MAOA: variants seen among roughly 807,000 people sequenced by gnomAD.
MAOA encodes amine oxidase [flavin-containing] A.
Under a neutral mutation model 42.0 loss-of-function variants are expected in MAOA, and 6 were observed. The observed-to-expected ratio is 0.14, with a 90% CI of 0.08 to 0.28. The LOEUF (loss-of-function observed/expected upper bound fraction) is 0.28. MAOA is among the 10% of genes least tolerant of loss of function. MAOA has a pLI of 1.00. For missense variants in MAOA, 262 were observed against 422.3 expected, an observed-to-expected ratio of 0.62 and a Z score of 3.33; for synonymous variants, 140 against 154.0, an observed-to-expected ratio of 0.91 and a Z score of 0.67.
chrX:43,702,361 G>T (rs2033630873), intron 3 of MAOA, among the ~76,000 whole-genome samples: 2 of 111,998 alleles, frequency 1.8e-5, no homozygotes, highest in Non-Finnish European at 3.8e-5. Flanking sequence ...AATGAGAGTG[G>T]TTCAAGGTCC....
chrX:43,719,280 A>G (rs1160825326), intron 5 of MAOA, among the ~76,000 whole-genome samples: 3 of 111,751 alleles, frequency 2.7e-5, no homozygotes, highest in African/African-American at 9.8e-5. Flanking sequence ...GGTATCTTCC[A>G]GGAATGAGGC....
At chrX:43,708,537 C>T (rs2033674427) in intron 3 of MAOA, among the ~76,000 whole-genome samples, 1 of 111,423 alleles carries the variant, frequency 9.0e-6, no homozygotes, top group Non-Finnish European at 1.9e-5. Flanking sequence ...TTCTTTTTAG[C>T]AGGTTTGGGT....
chrX:43,709,405 A>G (rs1384163261), intron 3 of MAOA, among the ~76,000 whole-genome samples: 2 of 110,451 alleles, frequency 1.8e-5, no homozygotes, highest in African/African-American at 6.6e-5. Flanking sequence ...GACTATTGAG[A>G]ATATTTATTT....
intron 1 of MAOA, among the ~76,000 whole-genome samples, chrX:43,677,478 A>G (rs1221299026): frequency 9.0e-6 from 1 of 111,264 alleles, no homozygotes; most frequent in Admixed American, 9.6e-5. Flanking sequence ...TCCCTTAAAC[A>G]AAGTGTGCTT....
At chrX:43,658,032 C>G in intron 1 of MAOA, 1 of 532,018 alleles carries the variant, frequency 1.9e-6, no homozygotes, top group Non-Finnish European at 2.3e-6. Flanking sequence ...TTTATTCATT[C>G]AAAAAACACT....
At chrX:43,660,269 G>C (rs1174713432) in intron 1 of MAOA, among the ~76,000 whole-genome samples, 1 of 111,217 alleles carries the variant, frequency 9.0e-6, no homozygotes, top group Admixed American at 9.6e-5. Context: ...AAGCTACCTG[G>C]TTATGACCCC....
chrX:43,706,653 A>AT (rs59039349), intron 3 of MAOA, among the ~76,000 whole-genome samples: 95 of 109,994 alleles, frequency 8.6e-4, no homozygotes, highest in African/African-American at 3.1e-3. Flanking sequence ...AAATAAATAA[A>AT]AATACAAAAA....
chrX:43,681,835 A>G (rs2033444958), intron 1 of MAOA, among the ~76,000 whole-genome samples: 1 of 108,573 alleles, frequency 9.2e-6, no homozygotes, highest in East Asian at 2.8e-4. Context: ...ATGAATGTGG[A>G]TTTAAAAATA....
chrX:43,714,353 G>A (rs1376469713), intron 5 of MAOA, among the ~76,000 whole-genome samples: 1 of 110,967 alleles, frequency 9.0e-6, no homozygotes, highest in Non-Finnish European at 1.9e-5. Context: ...TTCCAGGTAT[G>A]ATCCACAGGT....
At chrX:43,660,501 C>T (rs1272166808) in intron 1 of MAOA, among the ~76,000 whole-genome samples, 3 of 111,661 alleles carry the variant, frequency 2.7e-5, no homozygotes, top group African/African-American at 6.5e-5. Flanking sequence ...TGGATCTGAG[C>T]TTTAGTCTCA....
At chrX:43,669,121 A>T in intron 1 of MAOA, among the ~76,000 whole-genome samples, 1 of 109,467 alleles carries the variant, frequency 9.1e-6, no homozygotes, top group Non-Finnish European at 1.9e-5. Flanking sequence ...ATCTTTTAAT[A>T]TTAATTTTGG....
At position 43,745,656 on chromosome X, in the gene MAOA, T is replaced by C. The variant is rs2033994202; in HGVS notation, c.*1143T>C. On this transcript the variant is annotated 3_prime_UTR_variant, in exon 15 of 15. Coordinates refer to ENST00000338702, the MANE Select transcript of MAOA (RefSeq NM_000240.4). Reference sequence around the variant, plus strand: ...AAGCTCACTTGCTTTAGTTGTTAAGTTTTATAAAAGACATGAAATTGAGTC... The same window carrying C: ...AAGCTCACTTGCTTTAGTTGTTAAGCTTTATAAAAGACATGAAATTGAGTC... 9.0e-6 allele frequency: 1 copy of C among 111,503 alleles called. No individual in the cohort carries two copies. Among genetic ancestry groups the C allele is most frequent in the Non-Finnish European group, 1.9e-5 (1 of 53,087 alleles). 9.2% of individuals were successfully genotyped at this position (111,503 alleles called of 1,213,427 possible).
chrX:43,657,084 C>CTGTGTG lies in MAOA; in HGVS notation c.73+702_73+707dup, dbSNP rs10560402. Among the ~76,000 whole-genome samples, 123 of 71,208 alleles carry CTGTGTG rather than the reference C, an allele frequency of 1.7e-3. 2 individuals carry two copies. Among genetic ancestry groups the CTGTGTG allele is most frequent in the Middle Eastern group, 7.9e-3 (1 of 127 alleles). The allele number at this position is 71,208 out of a possible 115,157, so 61.8% of individuals were successfully genotyped here. A position where few individuals can be genotyped will look rare whatever the true frequency, so the allele number is the denominator to read the frequency against. ...GAGGGGGTGAGCTCTTAAACTATTC[C>CTGTGTG]TGTGTGTGTGTGTGTGTGTGTGTGT... On this transcript the variant is annotated intron_variant, in intron 1 of 14. Transcript: ENST00000338702.
chrX:43,740,055 G>T (rs1313073403), intron 10 of MAOA, among the ~76,000 whole-genome samples: 1 of 112,279 alleles, frequency 8.9e-6, no homozygotes, highest in Non-Finnish European at 1.9e-5. Flanking sequence ...CAAAGGCTGT[G>T]TTTGAGGTAA....
chrX:43,683,470 A>T (rs1302426672), intron 1 of MAOA, 43 bp from the exon 2 acceptor site: 6 of 967,024 alleles, frequency 6.2e-6, no homozygotes, highest in Non-Finnish European at 8.9e-6. Flanking sequence ...CTTGGATTTT[A>T]AGCATTTGAA....
intron 2 of MAOA, among the ~76,000 whole-genome samples, chrX:43,685,553 C>T (rs760284121): frequency 1.8e-5 from 2 of 111,894 alleles, no homozygotes; most frequent in African/African-American, 6.5e-5. Flanking sequence ...CCATGCTACC[C>T]TTCTGTCATT....
chrX:43,693,910 C>T (rs2147085768), intron 3 of MAOA, among the ~76,000 whole-genome samples: 1 of 111,976 alleles, frequency 8.9e-6, no homozygotes, highest in Admixed American at 9.5e-5. Flanking sequence ...AGCCTTTGAA[C>T]TGGTTATTCA....
chrX:43,692,063 A>G (rs1052588375), intron 2 of MAOA, among the ~76,000 whole-genome samples: 2 of 109,177 alleles, frequency 1.8e-5, no homozygotes, highest in African/African-American at 6.7e-5. Flanking sequence ...TTAAAGCATT[A>G]AAGAGCCAGC....
chrX:43,678,747 A>G (rs1322138025), intron 1 of MAOA, among the ~76,000 whole-genome samples: 1 of 112,053 alleles, frequency 8.9e-6, no homozygotes, highest in Non-Finnish European at 1.9e-5. Flanking sequence ...AGGTTTTGCC[A>G]TTCAAATCAG....
Sources: allele counts gnomAD v4.1 joint callset (sites outside exome capture counted in the v4.1 genomes callset), GRCh38; gene constraint gnomAD v4.1.1; transcripts MANE v1.5; gene names NCBI Gene and HGNC (gene_info 2026-07-23, HGNC 2026-07-21).